PRMT7: variants seen among roughly 807,000 people sequenced by gnomAD.
The protein encoded by PRMT7 is protein arginine methyltransferase 7.
Under a neutral mutation model 85.4 loss-of-function variants are expected in PRMT7, and 75 were observed. The ratio of observed to expected loss-of-function variants is 0.88; its 90% CI spans 0.73 to 1.06. The LOEUF is 1.06. Ranked by LOEUF, PRMT7 falls within the 50% of genes least tolerant of loss-of-function variation. PRMT7 has a pLI of 0.00. For missense variants in PRMT7, 868 were observed against 915.2 expected (o/e 0.95, Z 0.67); for synonymous variants, 397 against 359.5 (o/e 1.10, Z -1.18).
intron 6 of PRMT7, among the ~76,000 whole-genome samples, chr16:68,336,911 C>T (rs1235294701): frequency 6.6e-6 from 1 of 152,188 alleles, no homozygotes; most frequent in Non-Finnish European, 1.5e-5. Context: ...TGCCATCACA[C>T]CTGGCTAATT....
intron 9 of PRMT7, among the ~76,000 whole-genome samples, chr16:68,343,293 C>G (rs752180132): frequency 1.3e-5 from 2 of 152,116 alleles, no homozygotes; most frequent in Non-Finnish European, 2.9e-5. Flanking sequence ...AGTAGACAAA[C>G]AAGGTAACCA....
intron 17 of PRMT7, among the ~76,000 whole-genome samples, chr16:68,356,166 T>C (rs531901865): frequency 2.8e-4 from 42 of 152,332 alleles, no homozygotes; most frequent in African/African-American, 9.6e-4. Context: ...GCTTACTTCC[T>C]GTGGTCACCG....
At chr16:68,313,294 C>G (rs143455154) in intron 2 of PRMT7, among the ~76,000 whole-genome samples, 2 of 152,138 alleles carry the variant, frequency 1.3e-5, no homozygotes, top group Non-Finnish European at 2.9e-5. Flanking sequence ...ACGTCTGACA[C>G]AGGCACATGA....
At chr16:68,339,672 C>T (rs908475020) in intron 8 of PRMT7, 109 bp downstream of exon 8, 35 of 1,579,926 alleles carry the variant, frequency 2.2e-5, no homozygotes, top group African/African-American at 6.8e-5. Context: ...TCACCTGCCT[C>T]GAAGGCAAGA....
intron 3 of PRMT7, among the ~76,000 whole-genome samples, chr16:68,316,492 G>T (rs191893534): frequency 2.6e-5 from 4 of 151,960 alleles, no homozygotes; most frequent in Admixed American, 6.6e-5. Flanking sequence ...TTGGCCAGGC[G>T]CAGTGGCTCA....
At chr16:68,323,224 T>TC (rs1021697277) in intron 4 of PRMT7, among the ~76,000 whole-genome samples, 3 of 151,118 alleles carry the variant, frequency 2.0e-5, no homozygotes, top group African/African-American at 4.9e-5. Context: ...TTTCTTTCTT[T>TC]TTTTTTTTTT....
chr16:68,348,177 A>T (rs557100098), intron 13 of PRMT7, among the ~76,000 whole-genome samples, 165 bp from the exon 14 acceptor site: 2 of 152,280 alleles, frequency 1.3e-5, no homozygotes, highest in Non-Finnish European at 2.9e-5. Context: ...GGTCTATAGG[A>T]TGCCCCCCAA....
chr16:68,360,852 A>T, downstream of PRMT7: 1 of 226,748 alleles, frequency 4.4e-6, no homozygotes, highest in Non-Finnish European at 8.8e-6. Context: ...GCAGACAAAA[A>T]TAAAGAACCC....
intron 15 of PRMT7, 196 bp downstream of exon 15, chr16:68,352,605 C>A (rs775879488): frequency 2.0e-6 from 1 of 491,946 alleles, no homozygotes; most frequent in Non-Finnish European, 3.5e-6. Flanking sequence ...ATTTGACATA[C>A]GAAATGGAAA....
intron 3 of PRMT7, among the ~76,000 whole-genome samples, chr16:68,318,375 A>AT (rs1477182817): frequency 1.3e-5 from 2 of 151,500 alleles, no homozygotes; most frequent in Non-Finnish European, 2.9e-5. Flanking sequence ...AATTTTTTGT[A>AT]TTTTTAATAG....
chr16:68,315,517 G>A (rs2044615475), intron 2 of PRMT7: 1 of 182,456 alleles, frequency 5.5e-6, no homozygotes, highest in African/African-American at 2.4e-5. Flanking sequence ...AGCATACGAA[G>A]GCAGTATTGG....
At chr16:68,355,689 T>A in intron 16 of PRMT7, 34 bp from the exon 17 acceptor site, 2 of 1,492,674 alleles carry the variant, frequency 1.3e-6, no homozygotes, top group Non-Finnish European at 1.8e-6. Context: ...TGCCGGCCTG[T>A]CTCTGCAGCC....
At chr16:68,335,429 T>G (rs1019923087) in intron 6 of PRMT7, among the ~76,000 whole-genome samples, 1 of 151,700 alleles carries the variant, frequency 6.6e-6, no homozygotes, top group African/African-American at 2.4e-5. Context: ...TGGGATGAGT[T>G]TTGGACAGTG....
intron 9 of PRMT7, among the ~76,000 whole-genome samples, chr16:68,345,073 A>G (rs764812129): frequency 3.9e-5 from 6 of 152,090 alleles, no homozygotes; most frequent in Non-Finnish European, 7.3e-5. Context: ...AACAGTCTGC[A>G]ACATAAATGA....
chr16:68,350,768 T>C (rs527356945), intron 14 of PRMT7, among the ~76,000 whole-genome samples: 18 of 152,332 alleles, frequency 1.2e-4, no homozygotes, highest in African/African-American at 4.1e-4. Flanking sequence ...TCTTCTCCTT[T>C]CTGTCTTTAG....
intron 4 of PRMT7, among the ~76,000 whole-genome samples, chr16:68,323,127 A>G (rs115604426): frequency 0.04 from 6,163 of 152,236 alleles, 148 homozygotes; most frequent in Middle Eastern, 0.14. Flanking sequence ...AAATAGTTCT[A>G]TATTTCTGTG....
Position 68,355,655 on chromosome 16 carries a change from C to T in PRMT7, c.1651-68C>T, listed in dbSNP as rs192341135. The T allele has an allele frequency of 4.8e-4, 668 of 1,401,578 alleles. 4 individuals are homozygous for T. In the Middle Eastern group the frequency reaches 5.8e-3, roughly 12 times the overall value. 86.8% of individuals were successfully genotyped at this position (1,401,578 alleles called of 1,614,324 possible). A position where few individuals can be genotyped will look rare whatever the true frequency, so the allele number is the denominator to read the frequency against. ...TGACTGCAGTCAGTGGGAGCCAAGC[C>T]GGGGAGCGGTACCTCTGTCTAGCTG... On this transcript the variant is annotated intron_variant, in intron 16 of 18. Coordinates refer to ENST00000441236, the MANE Select transcript of PRMT7 (RefSeq NM_019023.5).
In PRMT7 at chr16:68,346,144, G is replaced by T. The variant is rs201824659; in HGVS notation, c.1056-1G>T. The T allele has an allele frequency of 1.3e-4, 208 of 1,613,354 alleles. No individual in the cohort carries two copies. Among genetic ancestry groups the T allele is most frequent in the Non-Finnish European group, 1.7e-4 (203 of 1,180,026 alleles). ...GTCTGTTTGTTCATCTCCTGGCCTAGCCCTGAAAAGAATGAGAGAGTCCGC... is the reference window on the plus strand; with the variant it reads ...GTCTGTTTGTTCATCTCCTGGCCTATCCCTGAAAAGAATGAGAGAGTCCGC... On this transcript the variant is annotated splice_acceptor_variant, in intron 10 of 18. Coordinates refer to ENST00000441236, the MANE Select transcript of PRMT7 (RefSeq NM_019023.5). LOFTEE classifies it high-confidence loss of function.
chr16:68,315,842 ATTTT>A, intron 2 of PRMT7, 51 bp from the exon 3 acceptor site: 1 of 723,746 alleles, frequency 1.4e-6, no homozygotes, highest in South Asian at 1.6e-5. Flanking sequence ...CTGTTAATAG[ATTTT>A]TTTTCTGTTC....
Sources: allele counts gnomAD v4.1 joint callset (sites outside exome capture counted in the v4.1 genomes callset), GRCh38; gene constraint gnomAD v4.1.1; transcripts MANE v1.5; gene names NCBI Gene and HGNC (gene_info 2026-07-23, HGNC 2026-07-21).